Variants in MAGI2 observed in about 807,000 individuals in gnomAD.
MAGI2 encodes membrane-associated guanylate kinase, WW and PDZ domain-containing protein 2.
Under a neutral mutation model 133.3 loss-of-function variants are expected in MAGI2, and 35 were observed. That is an observed-to-expected ratio of 0.26 (90% CI 0.20 to 0.35). MAGI2 has a LOEUF of 0.35. MAGI2 is among the 10% of genes least tolerant of loss of function. The pLI is 1.00. For synonymous variants in MAGI2, 729 were observed against 710.6 expected, an observed-to-expected ratio of 1.03 and a Z score of -0.41; for missense variants, 1,636 against 1,863.4, an observed-to-expected ratio of 0.88 and a Z score of 2.25.
intron 5 of MAGI2, among the ~76,000 whole-genome samples, chr7:78,490,369 C>T (rs1793489257): frequency 6.6e-6 from 1 of 152,052 alleles, no homozygotes; most frequent in South Asian, 2.1e-4. Flanking sequence ...TATTAACTCA[C>T]ATTAAACTAT....
chr7:79,291,750 A>C (rs1440557775), intron 1 of MAGI2, among the ~76,000 whole-genome samples: 2 of 152,178 alleles, frequency 1.3e-5, no homozygotes, highest in African/African-American at 4.8e-5. Flanking sequence ...TACCCATTTT[A>C]AAAACTGAGT....
At chr7:78,890,385 C>T (rs1796641210) in intron 2 of MAGI2, among the ~76,000 whole-genome samples, 1 of 152,212 alleles carries the variant, frequency 6.6e-6, no homozygotes, top group African/African-American at 2.4e-5. Flanking sequence ...ACCTAATAGA[C>T]ATCTACAGAA....
At chr7:78,672,488 T>A (rs1222286210) in intron 2 of MAGI2, among the ~76,000 whole-genome samples, 1 of 152,190 alleles carries the variant, frequency 6.6e-6, no homozygotes, top group Non-Finnish European at 1.5e-5. Flanking sequence ...ACACAGAAGA[T>A]AAGACAGATG....
chr7:78,512,372 C>T (rs930315847), intron 4 of MAGI2, among the ~76,000 whole-genome samples: 1 of 152,036 alleles, frequency 6.6e-6, no homozygotes, highest in Admixed American at 6.6e-5. Flanking sequence ...AATCCCCAAG[C>T]CTGTGAAGAA....
intron 2 of MAGI2, among the ~76,000 whole-genome samples, chr7:78,739,272 C>A (rs1822162624): frequency 6.6e-6 from 1 of 152,120 alleles, no homozygotes; most frequent in Admixed American, 6.5e-5. Context: ...CATCTCTGGC[C>A]AAAGGTCGTC....
chr7:79,266,172 G>T (rs1372320324), intron 1 of MAGI2, among the ~76,000 whole-genome samples: 1 of 151,938 alleles, frequency 6.6e-6, no homozygotes, highest in African/African-American at 2.4e-5. Context: ...CCAGGATCCT[G>T]ACCCCATATG....
chr7:79,275,275 T>C (rs1563069540), intron 1 of MAGI2, among the ~76,000 whole-genome samples: 3 of 152,118 alleles, frequency 2.0e-5, no homozygotes, highest in Admixed American at 6.6e-5. Context: ...CCAGTGAACA[T>C]ACAAATGATA....
chr7:78,827,193 G>A (rs1436699275), intron 2 of MAGI2, among the ~76,000 whole-genome samples: 1 of 152,158 alleles, frequency 6.6e-6, no homozygotes, highest in Admixed American at 6.5e-5. Context: ...TTAGCAAGAA[G>A]CCTACCTAGG....
intron 1 of MAGI2, among the ~76,000 whole-genome samples, chr7:79,090,273 C>T (rs1816934423): frequency 6.6e-6 from 1 of 151,822 alleles, no homozygotes; most frequent in Non-Finnish European, 1.5e-5. Context: ...TTTTCTTTCT[C>T]CTCACAAAAT....
At chr7:78,872,232 A>C (rs1462422384) in intron 2 of MAGI2, among the ~76,000 whole-genome samples, 1 of 151,920 alleles carries the variant, frequency 6.6e-6, no homozygotes, top group Non-Finnish European at 1.5e-5. Context: ...TACTACTGAC[A>C]AATTTACATT....
intron 2 of MAGI2, among the ~76,000 whole-genome samples, chr7:78,794,005 A>G (rs37863): frequency 0.86 from 131,327 of 152,228 alleles, 57,062 homozygotes; most frequent in East Asian, 1. Flanking sequence ...TATTACAACA[A>G]TTGTGACCTA....
At chr7:78,509,822 T>G (rs1238466620) in intron 4 of MAGI2, among the ~76,000 whole-genome samples, 2 of 152,334 alleles carry the variant, frequency 1.3e-5, no homozygotes, top group East Asian at 3.9e-4. Context: ...ACAGTCTATG[T>G]ATACAGTTAA....
chr7:78,072,259 T>C (rs911450504), intron 21 of MAGI2, among the ~76,000 whole-genome samples: 1 of 152,260 alleles, frequency 6.6e-6, no homozygotes, highest in African/African-American at 2.4e-5. Flanking sequence ...AGAAGCCAAG[T>C]GCTCTTCAAG....
At chr7:79,411,902 GA>G (rs1846167978) in intron 1 of MAGI2, 1 of 151,592 alleles carries the variant, frequency 6.6e-6, no homozygotes, top group Non-Finnish European at 1.5e-5. Flanking sequence ...AAATTCAATT[GA>G]AATTCAATTG....
chr7:79,251,093 G>A (rs1332334532), intron 1 of MAGI2, among the ~76,000 whole-genome samples: 1 of 152,060 alleles, frequency 6.6e-6, no homozygotes, highest in Non-Finnish European at 1.5e-5. Flanking sequence ...AAATCAAAAT[G>A]AATTAAAGAC....
chr7:78,355,943 G>A (rs1038852701), intron 7 of MAGI2, among the ~76,000 whole-genome samples: 10 of 152,150 alleles, frequency 6.6e-5, no homozygotes, highest in Non-Finnish European at 1.5e-4. Flanking sequence ...GTGTGTATGC[G>A]TTTTACATAT....
chr7:78,775,241 A>G (rs998424857), intron 2 of MAGI2, among the ~76,000 whole-genome samples: 13 of 144,978 alleles, frequency 9.0e-5, no homozygotes, highest in Non-Finnish European at 1.4e-4. Flanking sequence ...TGAACCCGGG[A>G]GGCAGAGCTT....
At chr7:78,600,341 C>G (rs1266262265) in intron 3 of MAGI2, among the ~76,000 whole-genome samples, 2 of 151,906 alleles carry the variant, frequency 1.3e-5, no homozygotes, top group Non-Finnish European at 2.9e-5. Context: ...GTTAACTAGA[C>G]TTACCAAAAA....
chr7:78,962,026 GA>G (rs1482548564), intron 2 of MAGI2, among the ~76,000 whole-genome samples: 2 of 151,940 alleles, frequency 1.3e-5, no homozygotes, highest in African/African-American at 4.8e-5. Context: ...TCTAAACATA[GA>G]AAAGGCACAG....
Sources: allele counts gnomAD v4.1 joint callset (sites outside exome capture counted in the v4.1 genomes callset), GRCh38; gene constraint gnomAD v4.1.1; transcripts MANE v1.5; gene names NCBI Gene and HGNC (gene_info 2026-07-23, HGNC 2026-07-21).